Variants in APBB2 observed in about 807,000 individuals in gnomAD.
APBB2 encodes the protein Fe65-like 1.
A neutral mutation model predicts 82.5 loss-of-function variants in APBB2; 38 were observed. That is an observed-to-expected ratio of 0.46 (90% CI 0.36 to 0.60). The LOEUF is 0.60. Among genes scored for constraint, APBB2 ranks in the 20% least tolerant of loss-of-function variants. APBB2 has a pLI of 0.00. For synonymous variants in APBB2, 341 were observed against 368.2 expected, an observed-to-expected ratio of 0.93 and a Z score of 0.85; for missense variants, 772 against 972.3, an observed-to-expected ratio of 0.79 and a Z score of 2.74.
At chr4:40,994,557 T>C (rs956709538) in intron 6 of APBB2, among the ~76,000 whole-genome samples, 1 of 152,060 alleles carries the variant, frequency 6.6e-6, no homozygotes, top group Non-Finnish European at 1.5e-5. Flanking sequence ...CTCATGCCTG[T>C]AATCCCAGCA....
rs540756194 is a variant in APBB2 at position 41,099,583 on chromosome 4, C to A, written c.-149+1056G>T. Among the ~76,000 whole-genome samples, 27 of 152,174 alleles carry A rather than the reference C, an allele frequency of 1.8e-4. No individual in the cohort carries two copies. In the East Asian group the frequency reaches 4.6e-3, roughly 26 times the overall value. On this transcript the variant is annotated intron_variant, in intron 3 of 17. Transcript: ENST00000508593. ...TATTATAATTATTACAAAATAAAACCCAATTTAATAATAATTAAATTTATA... is the reference window on the plus strand; with the variant it reads ...TATTATAATTATTACAAAATAAAACACAATTTAATAATAATTAAATTTATA...
At chr4:40,878,068 C>T (rs186382668) in intron 12 of APBB2, among the ~76,000 whole-genome samples, 5 of 148,438 alleles carry the variant, frequency 3.4e-5, no homozygotes, top group South Asian at 4.2e-4. Context: ...GCAATCAGGC[C>T]GGACTCGGTG....
intron 12 of APBB2, among the ~76,000 whole-genome samples, chr4:40,865,680 A>G (rs1763881450): frequency 6.6e-6 from 1 of 152,238 alleles, no homozygotes; most frequent in South Asian, 2.1e-4. Flanking sequence ...TCCATCTACC[A>G]GTTGATAGGT....
At chr4:40,817,611 C>T (rs1577643302) in intron 17 of APBB2, among the ~76,000 whole-genome samples, 1 of 152,088 alleles carries the variant, frequency 6.6e-6, no homozygotes, top group South Asian at 2.1e-4. Flanking sequence ...TTGGTATACT[C>T]AGAGGTCCTA....
intron 2 of APBB2, among the ~76,000 whole-genome samples, chr4:41,121,827 C>A (rs1161186257): frequency 6.6e-6 from 1 of 152,070 alleles, no homozygotes; most frequent in Non-Finnish European, 1.5e-5. Flanking sequence ...GTCTTTGTGG[C>A]TCCTATATAC....
chr4:41,159,570 T>C (rs1453626915), intron 1 of APBB2, among the ~76,000 whole-genome samples: 2 of 152,126 alleles, frequency 1.3e-5, no homozygotes, highest in Non-Finnish European at 2.9e-5. Context: ...CAGGATTATA[T>C]CTAACCTTTT....
At chr4:41,085,275 A>C (rs1019119052) in intron 3 of APBB2, among the ~76,000 whole-genome samples, 5 of 150,726 alleles carry the variant, frequency 3.3e-5, no homozygotes, top group Admixed American at 1.3e-4. Context: ...AAAAAGACTG[A>C]AACTGCCTAT....
rs1248629331 is a variant in APBB2 at position 41,128,333 on chromosome 4, T to C, written c.-261+14654A>G. On this transcript the variant is annotated intron_variant, in intron 2 of 17. Coordinates refer to ENST00000508593, the MANE Select transcript of APBB2 (RefSeq NM_004307.2). ...GCCATTGATGGGAATGTAAATTAGT[T>C]CAGCCACTGAGGAAAGCAGTTTGGA... is the stretch of plus-strand genomic sequence containing the variant. Among the ~76,000 whole-genome samples, 3 of 152,174 alleles carry C rather than the reference T, an allele frequency of 2.0e-5. No individual in the cohort carries two copies. In the East Asian group the frequency reaches 5.8e-4, roughly 29 times the overall value.
chr4:40,898,426 G>A (rs1164145648), intron 10 of APBB2, among the ~76,000 whole-genome samples: 9 of 149,876 alleles, frequency 6.0e-5, no homozygotes, highest in South Asian at 2.1e-4. Flanking sequence ...ACCACGCCTC[G>A]CTAATTTTTT....
intron 12 of APBB2, among the ~76,000 whole-genome samples, chr4:40,877,144 A>G (rs1767127406): frequency 6.6e-6 from 1 of 152,268 alleles, no homozygotes; most frequent in African/African-American, 2.4e-5. Context: ...GTATGAATGC[A>G]GAACACGGGA....
intron 2 of APBB2, among the ~76,000 whole-genome samples, chr4:41,136,492 G>C (rs1014573137): frequency 3.3e-5 from 5 of 152,160 alleles, no homozygotes; most frequent in African/African-American, 1.2e-4. Flanking sequence ...GATATTATCA[G>C]TTAAAAGACT....
At chr4:40,897,200 C>T (rs1773907023) in intron 10 of APBB2, among the ~76,000 whole-genome samples, 1 of 151,220 alleles carries the variant, frequency 6.6e-6, no homozygotes, top group Non-Finnish European at 1.5e-5. Context: ...CACCCCAGCA[C>T]ATTAATAATA....
At chr4:41,069,268 CAGT>C (rs903859412) in intron 3 of APBB2, among the ~76,000 whole-genome samples, 1 of 152,318 alleles carries the variant, frequency 6.6e-6, no homozygotes, top group African/African-American at 2.4e-5. Flanking sequence ...CCTCTTAAAA[CAGT>C]AGTTATGCCA....
At position 40,934,595 on chromosome 4, in the gene APBB2, G is replaced by C; in HGVS notation, c.1193+19C>G. 6.2e-7 allele frequency: 1 copy of C among 1,611,148 alleles called. No individual in the cohort carries two copies. The highest frequency in any genetic ancestry group is 8.5e-7 in the Non-Finnish European group (1 of 1,177,332). ...CAAAGCCATACATTGACAGCAGGTC[G>C]ATCCTACTAATGTCCTACCTGAGTT... On this transcript the variant is annotated intron_variant, in intron 9 of 17. Transcript: ENST00000508593.
At chr4:41,195,806 C>T in intron 1 of APBB2, among the ~76,000 whole-genome samples, 13 of 152,268 alleles carry the variant, frequency 8.5e-5, no homozygotes, top group South Asian at 8.3e-4. Context: ...TACCCCTTCC[C>T]GCCATATGCA....
chr4:41,197,447 T>C, intron 1 of APBB2, among the ~76,000 whole-genome samples: 1 of 152,278 alleles, frequency 6.6e-6, no homozygotes, highest in South Asian at 2.1e-4. Context: ...ATCTAAGCAC[T>C]CCAAGTTATC....
chr4:41,121,394 TTAA>T lies in APBB2; in HGVS notation c.-260-20647_-260-20645del, dbSNP rs1435265163. ...TGAGAAATGTCCTCAAATTTCACAA[TTAA>T]TAAATAGTTCCTCTGTCCTGGTCAG... is the stretch of plus-strand genomic sequence containing the variant. On this transcript the variant is annotated intron_variant, in intron 2 of 17. Transcript: ENST00000508593. 5.9e-5 allele frequency among the ~76,000 whole-genome samples: 9 copies of T among 152,336 alleles called. No individual in the cohort carries two copies. The East Asian group carries it at 1.3e-3, about 23-fold the overall frequency.
chr4:41,205,578 A>AC (rs1777727300), intron 1 of APBB2, among the ~76,000 whole-genome samples: 1 of 152,230 alleles, frequency 6.6e-6, no homozygotes, highest in Admixed American at 6.5e-5. Flanking sequence ...AAAAGGAACT[A>AC]GAAAAACACA....
chr4:41,140,285 T>C (rs1758740756), intron 2 of APBB2, among the ~76,000 whole-genome samples: 1 of 152,238 alleles, frequency 6.6e-6, no homozygotes, highest in Non-Finnish European at 1.5e-5. Context: ...TACTAACCTC[T>C]GAAATTATCT....
Sources: gnomAD v4.1 joint callset for allele counts (sites outside exome capture counted in the v4.1 genomes callset) on GRCh38, gnomAD v4.1.1 for gene constraint, MANE v1.5 for transcripts, NCBI Gene and HGNC (gene_info 2026-07-23, HGNC 2026-07-21) for gene names.